The following DNAJC21 variants were observed in gnomAD, a reference collection of about 807,000 sequenced individuals.
The protein encoded by DNAJC21 is dnaJ homolog subfamily C member 21.
DNAJC21 carries 63 observed loss-of-function variants against 72.4 expected under a neutral mutation model. That is an observed-to-expected ratio of 0.87 (90% confidence interval 0.71 to 1.07). The LOEUF is 1.07. Among genes scored for constraint, DNAJC21 ranks in the 50% least tolerant of loss-of-function variants. DNAJC21 has a pLI of 0.00. For synonymous variants in DNAJC21, 203 were observed against 216.7 expected (o/e 0.94, Z 0.56); for missense variants, 634 against 644.8 (o/e 0.98, Z 0.18).
In DNAJC21 at chr5:34,953,922, C is replaced by G; in HGVS notation, c.1359-4C>G. 1 of 1,606,458 alleles carries G rather than the reference C, an allele frequency of 6.2e-7. No individual in the cohort carries two copies. Among genetic ancestry groups the G allele is most frequent in the African/African-American group, 1.3e-5 (1 of 74,640 alleles). On this transcript the variant is annotated splice_region_variant and splice_polypyrimidine_tract_variant and intron_variant, in intron 10 of 11. Transcript: ENST00000648817. ...TGGATTATGCTGAATTATTTATTTT[C>G]CAGTGTTCCTAAACCCAAAGGAAAG...
intron 5 of DNAJC21, among the ~76,000 whole-genome samples, chr5:34,938,063 G>T (rs1337364910): frequency 6.6e-6 from 1 of 152,136 alleles, no homozygotes; most frequent in African/African-American, 2.4e-5. Context: ...CTCCCAAAGT[G>T]CTGGAATTAC....
rs763811644 is a variant in DNAJC21, at chr5:34,958,857, TAAG to T, written c.*4149_*4151del. ...GAATTTAAAAATTATGTTAAAAAAA[TAAG>T]AAGAATGACTATTTTTCAAAACAAA... On this transcript the variant is annotated 3_prime_UTR_variant, in exon 12 of 12. Transcript: ENST00000648817. 40 of 152,336 alleles carry T rather than the reference TAAG, an allele frequency of 2.6e-4. No homozygotes were observed. Among genetic ancestry groups the T allele is most frequent in the African/African-American group, 5.5e-4 (23 of 41,580 alleles). 9.4% of individuals were successfully genotyped at this position (152,336 alleles called of 1,614,324 possible).
chr5:34,954,255 A>G, intron 11 of DNAJC21: 3 of 467,162 alleles, frequency 6.4e-6, no homozygotes, highest in East Asian at 7.0e-5. Context: ...AGCCTTGGTG[A>G]TAAGAATTAC....
rs1343596456 is a variant in DNAJC21 at position 34,956,319 on chromosome 5, C to A, written c.*1605C>A. The A allele has an allele frequency of 6.6e-6, 1 of 152,372 alleles. No homozygotes were observed. The highest frequency in any genetic ancestry group is 6.6e-5 in the Admixed American group (1 of 15,262). The allele number at this position is 152,372 out of a possible 1,614,324, so 9.4% of individuals were successfully genotyped here. ...AAGCATTTGAACCTTAATTTAAATT[C>A]TTTTCTTTTCCATTTAGAGATATGT... On this transcript the variant is annotated 3_prime_UTR_variant, in exon 12 of 12. Coordinates refer to ENST00000648817, the MANE Select transcript of DNAJC21 (RefSeq NM_001012339.3).
In DNAJC21 at chr5:34,958,409, C is replaced by T. The variant is rs1765595630; in HGVS notation, c.*3695C>T. The T allele has an allele frequency of 1.3e-5, 2 of 152,064 alleles. No individual in the cohort carries two copies. Among genetic ancestry groups the T allele is most frequent in the Admixed American group, 1.3e-4 (2 of 15,268 alleles). 9.4% of individuals were successfully genotyped at this position (152,064 alleles called of 1,614,324 possible). ...GAAAACAATATGTACTACCTTATAC[C>T]CTTCCCCAAAAACAAAGGGATTAAA... is the stretch of plus-strand genomic sequence containing the variant. On this transcript the variant is annotated 3_prime_UTR_variant, in exon 12 of 12. Transcript: ENST00000648817.
intron 1 of DNAJC21, among the ~76,000 whole-genome samples, chr5:34,931,384 A>G (rs900079174): frequency 5.3e-5 from 8 of 152,244 alleles, no homozygotes; most frequent in African/African-American, 1.9e-4. Flanking sequence ...GGGTTAGTGT[A>G]GAAGCATATT....
chr5:34,945,212 G>A (rs1333204749), intron 8 of DNAJC21, among the ~76,000 whole-genome samples, 187 bp downstream of exon 8: 4 of 152,016 alleles, frequency 2.6e-5, no homozygotes, highest in Non-Finnish European at 5.9e-5. Flanking sequence ...CAAGTAGCTG[G>A]GACTACAGGC....
intron 1 of DNAJC21, among the ~76,000 whole-genome samples, chr5:34,933,133 A>G (rs142048763): frequency 2.0e-5 from 3 of 152,354 alleles, no homozygotes; most frequent in East Asian, 3.9e-4. Context: ...ATGAGAAAGA[A>G]AAAAACAATG....
Position 34,933,868 on chromosome 5 carries a change from G to A in DNAJC21, c.151G>A (p.Ala51Thr), listed in dbSNP as rs551739363. 1 of 1,613,946 alleles carries A rather than the reference G, an allele frequency of 6.2e-7. No homozygotes were observed. Among genetic ancestry groups the A allele is most frequent in the African/African-American group, 1.3e-5 (1 of 75,008 alleles). ...AGCTGAACAATTTAAATTAATCCAA[G>A]CAGCATATGATGTGTTGAGTGACCC... ...EAAEQFKLIQ[A>T]AYDVLSDPQE... The change falls in exon 2 of 12, where the codon GCA becomes ACA. Residue 51 changes from alanine to threonine, a missense_variant. Transcript: ENST00000648817.
At chr5:34,935,676 A>T in intron 2 of DNAJC21, 34 bp from the exon 3 acceptor site, 4 of 1,612,104 alleles carry the variant, frequency 2.5e-6, no homozygotes, top group Non-Finnish European at 3.4e-6. Context: ...TTACTTATTC[A>T]GCCTTCACAA....
intron 9 of DNAJC21, among the ~76,000 whole-genome samples, chr5:34,948,804 G>T (rs1765255065): frequency 6.6e-6 from 1 of 152,082 alleles, no homozygotes; most frequent in Non-Finnish European, 1.5e-5. Flanking sequence ...GGCTGAGGTT[G>T]CAGTGAGCTG....
chr5:34,929,942 CG>C (rs767868048), intron 1 of DNAJC21, 26 bp downstream of exon 1: 2 of 1,533,666 alleles, frequency 1.3e-6, no homozygotes. Flanking sequence ...GCAGCCCCCG[CG>C]GCCACTCGGA....
In DNAJC21 at chr5:34,954,575, C is replaced by G; in HGVS notation, c.1457C>G (p.Thr486Ser). 1.2e-6 allele frequency: 2 copies of G among 1,612,380 alleles called. No homozygotes were observed. Among genetic ancestry groups the G allele is most frequent in the Non-Finnish European group, 1.7e-6 (2 of 1,179,402 alleles). ...CAGAGTGTTCTTATCAGCTGTACAA[C>G]CTGCCATAGTGAATTTCCATCTCGG... ...QTMSVLISCT[T>S]CHSEFPSRNK... The change falls in exon 12 of 12, where the codon ACC becomes AGC. Residue 486 changes from threonine to serine, a missense_variant. Transcript: ENST00000648817.
chr5:34,945,727 A>C (rs1474732647), intron 8 of DNAJC21, 34 bp from the exon 9 acceptor site: 1 of 1,551,094 alleles, frequency 6.4e-7, no homozygotes, highest in African/African-American at 1.4e-5. Flanking sequence ...CACAGAGTCA[A>C]GTATTTGACA....
Position 34,937,540 on chromosome 5 carries a change from A to G in DNAJC21, c.653A>G (p.Gln218Arg), listed in dbSNP as rs779072466. The stretch of plus-strand genomic sequence containing the variant: ...ATTCGTAAAAGAGATAAAAGAGTGC[A>G]GGCGCATCGAAAACTTGTGGAAGAA... ...AFIRKRDKRV[Q>R]AHRKLVEEQN... is the part of the protein sequence containing the mutation. The change falls in exon 5 of 12, where the codon CAG becomes CGG. Residue 218 changes from glutamine (Q) to arginine (R), a missense_variant. Physicochemically the swap from Gln to Arg is conservative, Grantham distance 43. Coordinates refer to ENST00000648817, the MANE Select transcript of DNAJC21 (RefSeq NM_001012339.3). The G allele has an allele frequency of 4.3e-6, 7 of 1,613,938 alleles. No individual in the cohort carries two copies. In the South Asian group the frequency reaches 5.5e-5, roughly 13 times the overall value.
At chr5:34,950,900 T>C in intron 10 of DNAJC21, 5 of 985,568 alleles carry the variant, frequency 5.1e-6, no homozygotes, top group Non-Finnish European at 6.0e-6. Flanking sequence ...TGTCTGACTT[T>C]CTTTTCCCCA....
At chr5:34,933,773 C>A in intron 1 of DNAJC21, 42 bp from the exon 2 acceptor site, 2 of 1,516,908 alleles carry the variant, frequency 1.3e-6, no homozygotes, top group Admixed American at 3.4e-5. Flanking sequence ...AGATTCTGTC[C>A]TGTACGTTTT....
At chr5:34,943,102 T>G (rs373840377) in intron 7 of DNAJC21, among the ~76,000 whole-genome samples, 1 of 152,182 alleles carries the variant, frequency 6.6e-6, no homozygotes, top group Non-Finnish European at 1.5e-5. Context: ...TATTCTCTTA[T>G]GTAACCATGC....
At chr5:34,932,088 T>G (rs1319461277) in intron 1 of DNAJC21, among the ~76,000 whole-genome samples, 1 of 152,198 alleles carries the variant, frequency 6.6e-6, no homozygotes, top group African/African-American at 2.4e-5. Context: ...TTCTTGTAAC[T>G]TCTTAGAAGG....
Sources: gnomAD v4.1 joint callset for allele counts (sites outside exome capture counted in the v4.1 genomes callset) on GRCh38, gnomAD v4.1.1 for gene constraint, MANE v1.5 for transcripts, NCBI Gene and HGNC (gene_info 2026-07-23, HGNC 2026-07-21) for gene names.